CCNY: variants seen among roughly 807,000 people sequenced by gnomAD.
CCNY encodes cyclin-Y.
A neutral mutation model predicts 42.8 loss-of-function variants in CCNY; 19 were observed. That is an observed-to-expected ratio of 0.44 (90% CI 0.31 to 0.65). The LOEUF (loss-of-function observed/expected upper bound fraction) is 0.65. Among genes scored for constraint, CCNY ranks in the 30% least tolerant of loss-of-function variants. CCNY has a pLI of 0.07. For synonymous variants in CCNY, 165 were observed against 162.7 expected (o/e 1.01, Z -0.11); for missense variants, 370 against 437.3 (o/e 0.85, Z 1.37).
intron 7 of CCNY, among the ~76,000 whole-genome samples, chr10:35,551,456 G>T (rs1381285086): frequency 6.6e-6 from 1 of 152,034 alleles, no homozygotes; most frequent in African/African-American, 2.4e-5. Context: ...ATTATATACT[G>T]TGAATAATTA....
intron 1 of CCNY, among the ~76,000 whole-genome samples, chr10:35,360,650 A>G (rs192769003): frequency 4.7e-4 from 71 of 152,224 alleles, no homozygotes; most frequent in Non-Finnish European, 9.4e-4. Flanking sequence ...AAAAAAGTAT[A>G]TAGAAAAAAT....
rs904970895 is a variant in CCNY at position 35,306,821 on chromosome 10, C to T, written c.-9+56195C>T. ...TTGTGTGTAAATCTGGTTTTTAGGACGCTCTTTAAAGAAAGTTTTATCTTA... is the reference window on the plus strand; with the variant it reads ...TTGTGTGTAAATCTGGTTTTTAGGATGCTCTTTAAAGAAAGTTTTATCTTA... On this transcript the variant is annotated intron_variant, in intron 3 of 11. Coordinates refer to the CCNY transcript ENST00000374706. Among the ~76,000 whole-genome samples the T allele has an allele frequency of 5.3e-5, 8 of 152,174 alleles. No individual in the cohort carries two copies. In the East Asian group the frequency reaches 7.7e-4, roughly 15 times the overall value.
At chr10:35,546,703 G>A (rs552603040) in intron 7 of CCNY, among the ~76,000 whole-genome samples, 6 of 152,240 alleles carry the variant, frequency 3.9e-5, no homozygotes, top group Admixed American at 1.3e-4. Flanking sequence ...GTATTGTGTT[G>A]TCTGATTGCT....
At chr10:35,489,356 G>A (rs375624333) in intron 2 of CCNY, among the ~76,000 whole-genome samples, 2 of 152,026 alleles carry the variant, frequency 1.3e-5, no homozygotes, top group East Asian at 1.9e-4. Flanking sequence ...GCTGGAGTGC[G>A]GTGGCACTAT....
chr10:35,525,344 G>GA (rs34965419), intron 4 of CCNY, among the ~76,000 whole-genome samples: 113 of 152,078 alleles, frequency 7.4e-4, no homozygotes, highest in Admixed American at 1.2e-3. Flanking sequence ...TTTCTAGTCA[G>GA]AAAAAAATTG....
At chr10:35,261,171 G>A (rs113356347) in intron 3 of CCNY, among the ~76,000 whole-genome samples, 1 of 150,936 alleles carries the variant, frequency 6.6e-6, no homozygotes, top group Non-Finnish European at 1.5e-5. Context: ...AAGGAGGATC[G>A]CTTGAGGTCA....
At chr10:35,342,668 C>T (rs1836208650) in intron 1 of CCNY, among the ~76,000 whole-genome samples, 1 of 152,180 alleles carries the variant, frequency 6.6e-6, no homozygotes, top group Non-Finnish European at 1.5e-5. Flanking sequence ...TAATTTTCGG[C>T]CAACAACCGT....
chr10:35,273,661 T>C (rs1835200917), intron 3 of CCNY, among the ~76,000 whole-genome samples: 2 of 152,084 alleles, frequency 1.3e-5, no homozygotes, highest in Admixed American at 1.3e-4. Context: ...GATAAGCGTC[T>C]CTGCCCACAG....
intron 4 of CCNY, among the ~76,000 whole-genome samples, chr10:35,520,350 T>A (rs140340674): frequency 4.5e-3 from 682 of 152,270 alleles, no homozygotes; most frequent in Non-Finnish European, 6.6e-3. Flanking sequence ...CTTGCCCTAC[T>A]CCTGTCCAAA....
At chr10:35,406,467 A>G (rs1366745680) in intron 1 of CCNY, among the ~76,000 whole-genome samples, 1 of 151,984 alleles carries the variant, frequency 6.6e-6, no homozygotes, top group Non-Finnish European at 1.5e-5. Context: ...TCTGTTTAAC[A>G]AAGCACATCT....
intron 2 of CCNY, among the ~76,000 whole-genome samples, chr10:35,484,688 A>G (rs1282457220): frequency 6.6e-6 from 1 of 152,212 alleles, no homozygotes; most frequent in African/African-American, 2.4e-5. Context: ...GAACCATGAA[A>G]AAAGAGGGTC....
intron 3 of CCNY, among the ~76,000 whole-genome samples, chr10:35,325,409 C>T (rs1425712561): frequency 6.6e-6 from 1 of 151,772 alleles, no homozygotes; most frequent in Admixed American, 6.6e-5. Flanking sequence ...AACTCCTGAC[C>T]TCAGGTGATT....
chr10:35,546,916 G>A (rs1449251822), intron 7 of CCNY, among the ~76,000 whole-genome samples: 1 of 152,202 alleles, frequency 6.6e-6, no homozygotes, highest in African/African-American at 2.4e-5. Context: ...AGGTTGCAGC[G>A]CCTCATGTCT....
At chr10:35,484,107 T>C (rs1258940987) in intron 2 of CCNY, among the ~76,000 whole-genome samples, 2 of 152,176 alleles carry the variant, frequency 1.3e-5, no homozygotes, top group South Asian at 2.1e-4. Context: ...ATAAAACTTA[T>C]ACAATGTGGC....
intron 1 of CCNY, among the ~76,000 whole-genome samples, chr10:35,477,875 A>G (rs566692813): frequency 2.0e-5 from 3 of 149,668 alleles, no homozygotes; most frequent in Non-Finnish European, 4.5e-5. Flanking sequence ...ACATGATTGT[A>G]TATCTAGAAA....
At chr10:35,442,510 T>C (rs770701328) in intron 1 of CCNY, among the ~76,000 whole-genome samples, 2 of 152,208 alleles carry the variant, frequency 1.3e-5, no homozygotes, top group Non-Finnish European at 2.9e-5. Flanking sequence ...GTGGTCTACC[T>C]GCAAGACTTG....
chr10:35,256,028 A>G (rs535244334), intron 3 of CCNY, among the ~76,000 whole-genome samples: 1 of 152,250 alleles, frequency 6.6e-6, no homozygotes, highest in East Asian at 1.9e-4. Context: ...GTCCTATTTT[A>G]CTTACTATTT....
chr10:35,462,625 C>CACT (rs1301932064), intron 1 of CCNY, among the ~76,000 whole-genome samples: 1 of 152,222 alleles, frequency 6.6e-6, no homozygotes, highest in African/African-American at 2.4e-5. Context: ...TATTTGCACT[C>CACT]ACTGCTGCTG....
chr10:35,559,552 G>C (rs571554836), intron 8 of CCNY, among the ~76,000 whole-genome samples: 1 of 152,376 alleles, frequency 6.6e-6, no homozygotes, highest in South Asian at 2.1e-4. Context: ...CAACACAAGG[G>C]TGCTGGGACA....
Sources: gnomAD v4.1 joint callset for allele counts (sites outside exome capture counted in the v4.1 genomes callset) on GRCh38, gnomAD v4.1.1 for gene constraint, MANE v1.5 for transcripts, NCBI Gene and HGNC (gene_info 2026-07-23, HGNC 2026-07-21) for gene names.